Variants in TXNL1 observed in about 807,000 individuals in gnomAD.
The protein encoded by TXNL1 is thioredoxin-like protein 1.
Under a neutral mutation model 35.5 loss-of-function variants are expected in TXNL1, and 14 were observed. The observed-to-expected ratio is 0.39, with a 90% CI of 0.26 to 0.62. TXNL1 has a LOEUF of 0.62. Among genes scored for constraint, TXNL1 ranks in the 20% least tolerant of loss-of-function variants. TXNL1 has a pLI of 0.47. For missense variants in TXNL1, 263 were observed against 349.7 expected, an observed-to-expected ratio of 0.75 and a Z score of 1.98; for synonymous variants, 110 against 115.5, an observed-to-expected ratio of 0.95 and a Z score of 0.31.
At chr18:56,618,707 C>CT (rs769849880) in intron 3 of TXNL1, among the ~76,000 whole-genome samples, 115 of 151,458 alleles carry the variant, frequency 7.6e-4, no homozygotes, top group South Asian at 1.0e-3. Flanking sequence ...AAAAAAGCAT[C>CT]TTTTCATTTC....
intron 3 of TXNL1, among the ~76,000 whole-genome samples, chr18:56,619,533 T>C (rs923513626): frequency 5.3e-5 from 3 of 57,092 alleles, no homozygotes; most frequent in Non-Finnish European, 7.9e-5. Flanking sequence ...CAAGACTCTG[T>C]CTCCAAAAAA....
Position 56,603,010 on chromosome 18 carries a change from C to T in TXNL1, c.*17G>A, listed in dbSNP as rs1367529006. ...GTAGATCTGATTGCAATATGGTTGTCCAGTGTCTTTTGTACCTTAGTGGCT... is the reference window on the plus strand; with the variant it reads ...GTAGATCTGATTGCAATATGGTTGTTCAGTGTCTTTTGTACCTTAGTGGCT... On this transcript the variant is annotated 3_prime_UTR_variant, in exon 8 of 8. Coordinates refer to ENST00000217515, the MANE Select transcript of TXNL1 (RefSeq NM_004786.3). 6.2e-7 allele frequency: 1 copy of T among 1,613,450 alleles called. No homozygotes were observed. The highest frequency in any genetic ancestry group is 1.3e-5 in the African/African-American group (1 of 74,892).
At chr18:56,621,267 G>A (rs1303522212) in intron 3 of TXNL1, among the ~76,000 whole-genome samples, 6 of 149,420 alleles carry the variant, frequency 4.0e-5, no homozygotes, top group South Asian at 2.1e-4. Context: ...TTGCAGTGGC[G>A]CAATCTTGGC....
intron 3 of TXNL1, among the ~76,000 whole-genome samples, chr18:56,619,811 G>A (rs1401979550): frequency 1.3e-5 from 2 of 151,988 alleles, no homozygotes; most frequent in African/African-American, 4.8e-5. Context: ...TTTACTGAAT[G>A]CTTTAGGAAT....
intron 1 of TXNL1, among the ~76,000 whole-genome samples, chr18:56,634,036 G>A (rs977367980): frequency 2.0e-5 from 3 of 150,862 alleles, no homozygotes; most frequent in South Asian, 2.1e-4. Flanking sequence ...ATGGTGGGGA[G>A]GGGGGAGACC....
intron 2 of TXNL1, among the ~76,000 whole-genome samples, chr18:56,625,757 C>T (rs903482152): frequency 6.6e-6 from 1 of 152,166 alleles, no homozygotes; most frequent in African/African-American, 2.4e-5. Context: ...TAGAGTTGTT[C>T]CTTAGTTAGA....
At chr18:56,626,295 T>C in intron 2 of TXNL1, 66 bp downstream of exon 2, 1 of 1,561,688 alleles carries the variant, frequency 6.4e-7, no homozygotes, top group Non-Finnish European at 8.6e-7. Context: ...AAATGAAGAA[T>C]ATTAATGTTG....
chr18:56,611,315 C>T (rs567891301), intron 6 of TXNL1, among the ~76,000 whole-genome samples: 118 of 151,948 alleles, frequency 7.8e-4, no homozygotes, highest in African/African-American at 1.8e-3. Flanking sequence ...GCCTGGCCAC[C>T]GTGGCAAAAC....
In TXNL1 at chr18:56,624,465, G is replaced by C. The variant is rs1190502980; in HGVS notation, c.196-4C>G. 1.9e-6 allele frequency: 3 copies of C among 1,607,940 alleles called. No individual in the cohort carries two copies. Among genetic ancestry groups the C allele is most frequent in the Non-Finnish European group, 8.5e-7 (1 of 1,175,832 alleles). On this transcript the variant is annotated splice_region_variant and splice_polypyrimidine_tract_variant and intron_variant, in intron 2 of 7. Coordinates refer to ENST00000217515, the MANE Select transcript of TXNL1 (RefSeq NM_004786.3). ...TATTGTTGGTGGCAGCTGTTCCCTA[G>C]AATTGGCAAGTTGGACAGTGTTATG...
chr18:56,597,899 A>G lies in TXNL1; in HGVS notation c.*5128T>C, dbSNP rs12968679. The G allele has an allele frequency of 0.35, 53,707 of 152,146 alleles. 11,428 individuals are homozygous for G. Among genetic ancestry groups the G allele is most frequent in the Non-Finnish European group, 0.47 (31,941 of 67,978 alleles). 9.4% of individuals were successfully genotyped at this position (152,146 alleles called of 1,614,324 possible). A position where few individuals can be genotyped will look rare whatever the true frequency, so the allele number is the denominator to read the frequency against. On this transcript the variant is annotated 3_prime_UTR_variant, in exon 8 of 8. Transcript: ENST00000217515. ...CTCCTAAGAGCTACTTCTATATTCA[A>G]TTGTAAAAGTGAGAACCTTGTGAGA...
intron 1 of TXNL1, among the ~76,000 whole-genome samples, chr18:56,637,778 G>C (rs2024479725): frequency 6.6e-6 from 1 of 152,162 alleles, no homozygotes; most frequent in Non-Finnish European, 1.5e-5. Flanking sequence ...GAAGAAAAAA[G>C]TTCAAATAAT....
rs969987236 is a variant in TXNL1 at position 56,597,480 on chromosome 18, C to T, written c.*5547G>A. 16 of 152,128 alleles carry T rather than the reference C, an allele frequency of 1.1e-4. No homozygotes were observed. The highest frequency in any genetic ancestry group is 3.9e-4 in the African/African-American group (16 of 41,426). 9.4% of individuals were successfully genotyped at this position (152,128 alleles called of 1,614,324 possible). On this transcript the variant is annotated 3_prime_UTR_variant, in exon 8 of 8. Transcript: ENST00000217515. ...TTAATGGATTAAACAACTGGACATC[C>T]CAGCTAATTTCAATATCACATTTGA...
intron 5 of TXNL1, among the ~76,000 whole-genome samples, chr18:56,615,129 T>C (rs2024062848): frequency 6.6e-6 from 1 of 152,144 alleles, no homozygotes. Context: ...GGGATTAGAT[T>C]AGGATGTGAT....
chr18:56,634,072 ATTCTT>A (rs1341539150), intron 1 of TXNL1, among the ~76,000 whole-genome samples: 1 of 151,782 alleles, frequency 6.6e-6, no homozygotes, highest in Non-Finnish European at 1.5e-5. Flanking sequence ...CACAATGTAT[ATTCTT>A]TTAACTCTTT....
At chr18:56,619,204 ACC>A in intron 3 of TXNL1, among the ~76,000 whole-genome samples, 1 of 133,770 alleles carries the variant, frequency 7.5e-6, no homozygotes, top group African/African-American at 3.0e-5. Flanking sequence ...GCAGAGCAAG[ACC>A]CTGTCTCAAA....
In TXNL1 at chr18:56,619,901, G is replaced by T. The variant is rs111518941; in HGVS notation, c.370-1775C>A. ...TTTTTCTCCTTAGGTCTATTAATGTGACAGATTAAGTAAATTTCCTAACAT... is the reference window on the plus strand; with the variant it reads ...TTTTTCTCCTTAGGTCTATTAATGTTACAGATTAAGTAAATTTCCTAACAT... On this transcript the variant is annotated intron_variant, in intron 3 of 7. Transcript: ENST00000217515. Among the ~76,000 whole-genome samples, 886 of 152,124 alleles carry T rather than the reference G, an allele frequency of 5.8e-3. 11 individuals carry two copies. Among genetic ancestry groups the T allele is most frequent in the South Asian group, 7.0e-3 (34 of 4,828 alleles).
chr18:56,634,319 AC>A (rs1384567440), intron 1 of TXNL1, among the ~76,000 whole-genome samples: 1 of 152,182 alleles, frequency 6.6e-6, no homozygotes, highest in African/African-American at 2.4e-5. Context: ...AAGATCAAGA[AC>A]AGCACTTTAT....
At chr18:56,617,629 T>C (rs1175415396) in intron 4 of TXNL1, among the ~76,000 whole-genome samples, 2 of 152,194 alleles carry the variant, frequency 1.3e-5, no homozygotes, top group Non-Finnish European at 2.9e-5. Flanking sequence ...GAGAAAGGAA[T>C]TAGCCACACA....
chr18:56,606,257 G>A (rs2023891170), intron 7 of TXNL1, among the ~76,000 whole-genome samples: 1 of 152,194 alleles, frequency 6.6e-6, no homozygotes, highest in Admixed American at 6.5e-5. Context: ...GGCACCTGTA[G>A]TCCCAGCTGC....
Sources: gnomAD v4.1 joint callset for allele counts (sites outside exome capture counted in the v4.1 genomes callset) on GRCh38, gnomAD v4.1.1 for gene constraint, MANE v1.5 for transcripts, NCBI Gene and HGNC (gene_info 2026-07-23, HGNC 2026-07-21) for gene names.